Variants in SORD observed in about 807,000 individuals in gnomAD.
The protein encoded by SORD is sorbitol dehydrogenase, also known as (R,R)-butanediol dehydrogenase.
SORD carries 18 observed loss-of-function variants against 35.6 expected under a neutral mutation model. The ratio of observed to expected loss-of-function variants is 0.51; its 90% CI spans 0.35 to 0.75. SORD has a LOEUF of 0.75. Ranked by LOEUF, SORD falls within the 30% of genes least tolerant of loss-of-function variation. SORD has a pLI of 0.01. For synonymous variants in SORD, 106 were observed against 152.9 expected (o/e 0.69, Z 2.26); for missense variants, 250 against 390.2 (o/e 0.64, Z 3.03).
chr15:45,061,916 A>G (rs1893319360), intron 4 of SORD, among the ~76,000 whole-genome samples: 1 of 152,120 alleles, frequency 6.6e-6, no homozygotes, highest in Admixed American at 6.5e-5. Flanking sequence ...ACAACACACC[A>G]TGACAGCAAC....
intron 2 of SORD, among the ~76,000 whole-genome samples, chr15:45,041,054 A>G (rs1395379582): frequency 6.6e-6 from 1 of 151,740 alleles, no homozygotes; most frequent in East Asian, 1.9e-4. Context: ...CCTTTACTCC[A>G]CTCCTTCTAG....
chr15:45,051,861 T>A (rs1213507568), intron 3 of SORD, among the ~76,000 whole-genome samples: 1 of 152,226 alleles, frequency 6.6e-6, no homozygotes, highest in Non-Finnish European at 1.5e-5. Flanking sequence ...AAAGCCTTGT[T>A]GTGCTTTTAT....
chr15:45,046,538 C>G (rs1223677004), intron 3 of SORD, among the ~76,000 whole-genome samples: 3 of 152,200 alleles, frequency 2.0e-5, no homozygotes, highest in Non-Finnish European at 4.4e-5. Context: ...AACCACCATG[C>G]CCAGCTAAAT....
chr15:45,068,134 A>G (rs1240177923), intron 5 of SORD, 47 bp from the exon 6 acceptor site: 1 of 1,417,704 alleles, frequency 7.1e-7, no homozygotes. Flanking sequence ...GTGGGAGAGC[A>G]GATGTTTAAT....
intron 3 of SORD, among the ~76,000 whole-genome samples, chr15:45,051,078 C>G (rs1893116636): frequency 6.6e-6 from 1 of 152,096 alleles, no homozygotes; most frequent in Non-Finnish European, 1.5e-5. Flanking sequence ...TATCAAAGTC[C>G]TATAGCTGAT....
intron 1 of SORD, among the ~76,000 whole-genome samples, chr15:45,031,102 G>A (rs1010867026): frequency 1.3e-5 from 2 of 152,228 alleles, no homozygotes; most frequent in Non-Finnish European, 2.9e-5. Flanking sequence ...GAGGTGGGAG[G>A]ATCACTTGAG....
chr15:45,064,692 C>T (rs1893376793), intron 4 of SORD, among the ~76,000 whole-genome samples: 1 of 152,198 alleles, frequency 6.6e-6, no homozygotes, highest in East Asian at 1.9e-4. Context: ...TGCTAAATCA[C>T]TGTTCTACAA....
intron 7 of SORD, among the ~76,000 whole-genome samples, 171 bp downstream of exon 7, chr15:45,069,223 T>C (rs1270059099): frequency 7.8e-6 from 1 of 128,948 alleles, no homozygotes; most frequent in Non-Finnish European, 1.5e-5. Flanking sequence ...TTTTTTTTTT[T>C]TGAGACAGAG....
intron 1 of SORD, 97 bp downstream of exon 1, chr15:45,023,446 GC>G: frequency 2.7e-6 from 3 of 1,121,116 alleles, no homozygotes; most frequent in South Asian, 4.5e-5. Flanking sequence ...CCTGGCGCCG[GC>G]CCCGCACCTT....
chr15:45,040,256 G>A (rs1892944664), intron 1 of SORD, 152 bp from the exon 2 acceptor site: 1 of 618,756 alleles, frequency 1.6e-6, no homozygotes, highest in Non-Finnish European at 2.9e-6. Flanking sequence ...TATCCCCTCA[G>A]GCATGCACCC....
rs761173216 is a variant in SORD at position 45,069,068 on chromosome 15, G to A, written c.786+16G>A. 3.1e-6 allele frequency: 5 copies of A among 1,595,988 alleles called. No individual in the cohort carries two copies. Among genetic ancestry groups the A allele is most frequent in the South Asian group, 2.3e-5 (2 of 88,200 alleles). On this transcript the variant is annotated intron_variant, in intron 7 of 8. Coordinates refer to ENST00000267814, the MANE Select transcript of SORD (RefSeq NM_003104.6). ...GGGCATCTACGTGAGTGGGCTGAGG[G>A]CAGCTTTGGGGAATCAGCATAGGGG...
At chr15:45,030,344 A>G (rs770707143) in intron 1 of SORD, among the ~76,000 whole-genome samples, 30,875 of 150,220 alleles carry the variant, frequency 0.21, no homozygotes, top group African/African-American at 0.44. Flanking sequence ...AAAACTGCAC[A>G]ACAGAAATTA....
intron 3 of SORD, among the ~76,000 whole-genome samples, chr15:45,053,839 C>CT (rs1472083648): frequency 7.2e-6 from 1 of 138,328 alleles, no homozygotes; most frequent in East Asian, 2.0e-4. Flanking sequence ...GTTCCCCTTC[C>CT]TGTGTCCATG....
At chr15:45,036,485 A>G (rs1403113671) in intron 1 of SORD, 1 of 377,846 alleles carries the variant, frequency 2.6e-6, no homozygotes, top group Non-Finnish European at 5.2e-6. Flanking sequence ...TGAGGCCAGG[A>G]GTTCGAGATC....
chr15:45,073,165 T>G (rs1595511503), intron 8 of SORD, among the ~76,000 whole-genome samples, 200 bp from the exon 9 acceptor site: 1 of 125,718 alleles, frequency 8.0e-6, no homozygotes. Context: ...GGGTGAGGGG[T>G]GGGGGCAATT....
intron 1 of SORD, among the ~76,000 whole-genome samples, chr15:45,035,801 C>T (rs1225729580): frequency 1.3e-5 from 2 of 152,076 alleles, no homozygotes; most frequent in Admixed American, 6.6e-5. Context: ...GAACGAACAA[C>T]TCCAGACGCG....
At chr15:45,029,395 G>A (rs8043226) in intron 1 of SORD, among the ~76,000 whole-genome samples, 4,462 of 131,288 alleles carry the variant, frequency 0.034, 89 homozygotes, top group South Asian at 0.12. Context: ...GGCCTACCGT[G>A]CTCAACCCCT....
chr15:45,041,880 T>C (rs1892971758), intron 2 of SORD: 1 of 152,170 alleles, frequency 6.6e-6, no homozygotes, highest in Non-Finnish European at 1.5e-5. Flanking sequence ...ATCTAATCTC[T>C]CACTACCAAT....
intron 3 of SORD, among the ~76,000 whole-genome samples, chr15:45,053,621 CT>C (rs1266356979): frequency 3.9e-5 from 6 of 152,136 alleles, no homozygotes; most frequent in Admixed American, 3.9e-4. Context: ...ATTTGAATTT[CT>C]TTCTTCTTTA....
Sources: gnomAD v4.1 joint callset for allele counts (sites outside exome capture counted in the v4.1 genomes callset) on GRCh38, gnomAD v4.1.1 for gene constraint, MANE v1.5 for transcripts, NCBI Gene and HGNC (gene_info 2026-07-23, HGNC 2026-07-21) for gene names.